GABRR2: variants seen among roughly 807,000 people sequenced by gnomAD.
GABRR2 encodes the protein gamma-aminobutyric acid receptor subunit rho-2.
GABRR2 carries 36 observed loss-of-function variants against 47.0 expected under a neutral mutation model. The ratio of observed to expected loss-of-function variants is 0.77; its 90% CI spans 0.59 to 1.01. GABRR2 has a LOEUF of 1.01. Ranked by LOEUF, GABRR2 falls within the 50% of genes least tolerant of loss-of-function variation. The pLI, the probability that GABRR2 is intolerant of heterozygous loss-of-function variation, is 0.00. For synonymous variants in GABRR2, 204 were observed against 227.5 expected (o/e 0.90, Z 0.93); for missense variants, 587 against 594.6 (o/e 0.99, Z 0.13).
At chr6:89,298,045 T>C (rs1774587152) in intron 2 of GABRR2, among the ~76,000 whole-genome samples, 1 of 152,180 alleles carries the variant, frequency 6.6e-6, no homozygotes, top group Non-Finnish European at 1.5e-5. Context: ...TTTATTTTCG[T>C]AAAATTCCTT....
chr6:89,262,292 A>G lies in GABRR2; in HGVS notation c.1086+2120T>C, dbSNP rs141226001. 9.2e-3 allele frequency among the ~76,000 whole-genome samples: 1,398 copies of G among 152,324 alleles called. 20 individuals carry two copies. Among genetic ancestry groups the G allele is most frequent in the African/African-American group, 0.032 (1,315 of 41,576 alleles). ...ATGTTAAGTCTCCGCCCCAGGGTGA[A>G]CATGGGTTGTATGTTACATGCACAT... On this transcript the variant is annotated intron_variant, in intron 8 of 8. Transcript: ENST00000402938.
intron 2 of GABRR2, among the ~76,000 whole-genome samples, chr6:89,275,075 G>T (rs531800470): frequency 6.6e-6 from 1 of 152,090 alleles, no homozygotes; most frequent in East Asian, 1.9e-4. Context: ...GTCCTGGAAA[G>T]CACACTTTAG....
chr6:89,257,481 C>A lies in GABRR2; in HGVS notation c.*189G>T. The A allele has an allele frequency of 1.7e-6, 1 of 595,384 alleles. No homozygotes were observed. Among genetic ancestry groups the A allele is most frequent in the Non-Finnish European group, 3.0e-6 (1 of 336,542 alleles). 36.9% of individuals were successfully genotyped at this position (595,384 alleles called of 1,614,324 possible). On this transcript the variant is annotated 3_prime_UTR_variant, in exon 9 of 9. Transcript: ENST00000402938. ...GCGAGACAGCATGAACATGGAGCAG[C>A]CCCACGGGGTCTGGGGTCAGGGCAG...
intron 2 of GABRR2, among the ~76,000 whole-genome samples, chr6:89,273,454 C>A (rs376445046): frequency 3.6e-4 from 55 of 152,322 alleles, no homozygotes; most frequent in Middle Eastern, 6.8e-3. Flanking sequence ...AGGCTGGTCT[C>A]AAACTCCTGA....
At chr6:89,302,058 G>T in intron 1 of GABRR2, 1 of 652,570 alleles carries the variant, frequency 1.5e-6, no homozygotes. Context: ...TTAATCTTTG[G>T]TCAGAGTGGG....
intron 1 of GABRR2, chr6:89,302,600 G>A (rs1767475128): frequency 1.7e-6 from 2 of 1,155,204 alleles, no homozygotes; most frequent in African/African-American, 1.6e-5. Context: ...CGGGCAGCCA[G>A]CATTACCGGG....
chr6:89,277,290 G>T (rs971010242), intron 2 of GABRR2, among the ~76,000 whole-genome samples: 14 of 152,178 alleles, frequency 9.2e-5, no homozygotes, highest in African/African-American at 3.1e-4. Context: ...TTCACCTTCT[G>T]CCCTGACTGT....
chr6:89,286,320 T>G lies in GABRR2; in HGVS notation c.220+13439A>C, dbSNP rs146737606. Among the ~76,000 whole-genome samples the G allele has an allele frequency of 3.9e-4, 59 of 152,220 alleles. 2 individuals are homozygous for G. In the East Asian group the frequency reaches 0.011, roughly 28 times the overall value. On this transcript the variant is annotated intron_variant, in intron 2 of 8. Transcript: ENST00000402938. ...ACAAGTTTCAGTTACGCAAGGTGAG[T>G]ACGTTCTGGTGATCGAATGTACAGC...
intron 2 of GABRR2, among the ~76,000 whole-genome samples, chr6:89,294,258 C>T (rs1043334041): frequency 6.6e-6 from 1 of 152,176 alleles, no homozygotes; most frequent in Non-Finnish European, 1.5e-5. Flanking sequence ...AATTATCATG[C>T]CTCAGCCACC....
At chr6:89,267,022 C>A (rs188968534) in intron 6 of GABRR2, among the ~76,000 whole-genome samples, 2 of 115,612 alleles carry the variant, frequency 1.7e-5, no homozygotes, top group Admixed American at 9.3e-5. Context: ...TTTTTTGAGA[C>A]GGAGTATCAC....
intron 1 of GABRR2, among the ~76,000 whole-genome samples, chr6:89,303,721 A>G (rs1051282809): frequency 1.3e-5 from 2 of 151,732 alleles, no homozygotes; most frequent in South Asian, 2.1e-4. Context: ...CTACAAGGCT[A>G]TGGTAACCAA....
chr6:89,295,888 G>C (rs895715964), intron 2 of GABRR2, among the ~76,000 whole-genome samples: 22 of 152,002 alleles, frequency 1.4e-4, no homozygotes, highest in Non-Finnish European at 2.2e-4. Flanking sequence ...ATAGGGAATC[G>C]TTTCCCCATT....
At chr6:89,260,338 G>A (rs1773718689) in intron 8 of GABRR2, among the ~76,000 whole-genome samples, 1 of 152,150 alleles carries the variant, frequency 6.6e-6, no homozygotes, top group South Asian at 2.1e-4. Context: ...AAATCTTTCT[G>A]CTAAAATGAA....
Position 89,280,255 on chromosome 6 carries a change from C to CATACAT in GABRR2, c.221-8539_221-8534dup, listed in dbSNP as rs1164025331. The stretch of plus-strand genomic sequence containing the variant: ...ATATATATATATATATATATATATA[C>CATACAT]ATACATATACATATACACATACACA... On this transcript the variant is annotated intron_variant, in intron 2 of 8. Transcript: ENST00000402938. 2.3e-3 allele frequency among the ~76,000 whole-genome samples: 198 copies of CATACAT among 84,522 alleles called. 2 individuals carry two copies. The highest frequency in any genetic ancestry group is 8.5e-3 in the African/African-American group (188 of 22,088). The allele number at this position is 84,522 out of a possible 152,430, so 55.4% of individuals were successfully genotyped here. A position where few individuals can be genotyped will look rare whatever the true frequency, so the allele number is the denominator to read the frequency against.
intron 6 of GABRR2, 45 bp downstream of exon 6, chr6:89,267,634 T>C (rs1425002899): frequency 1.3e-6 from 2 of 1,563,296 alleles, no homozygotes; most frequent in Non-Finnish European, 1.7e-6. Flanking sequence ...AATTCAAATG[T>C]GCTTTCTTGC....
chr6:89,261,436 C>T (rs560083760), intron 8 of GABRR2, among the ~76,000 whole-genome samples: 2 of 152,268 alleles, frequency 1.3e-5, no homozygotes, highest in East Asian at 1.9e-4. Context: ...AAGGGGACCC[C>T]AGAGAAACCT....
In GABRR2 at chr6:89,269,298, C is replaced by A. The variant is rs997416301; in HGVS notation, c.289-64G>T. 13 of 1,194,970 alleles carry A rather than the reference C, an allele frequency of 1.1e-5. No homozygotes were observed. In the African/African-American group the frequency reaches 1.9e-4, roughly 18 times the overall value. 74.0% of individuals were successfully genotyped at this position (1,194,970 alleles called of 1,614,324 possible). ...GAAGGTTTTCTTCCTTACAATCAACCCACCATTCACTACTGTGGTGAACAT... is the reference window on the plus strand; with the variant it reads ...GAAGGTTTTCTTCCTTACAATCAACACACCATTCACTACTGTGGTGAACAT... On this transcript the variant is annotated intron_variant, in intron 3 of 8. Coordinates refer to ENST00000402938, the MANE Select transcript of GABRR2 (RefSeq NM_002043.5).
In GABRR2 at chr6:89,303,197, G is replaced by T. The variant is rs914488024; in HGVS notation, c.114-3332C>A. ...TGACCTCCAGAGCCATCTTGCTGTC[G>T]ACACTGTCCCCAGCTTTCCCCCACC... On this transcript the variant is annotated intron_variant, in intron 1 of 8. Transcript: ENST00000402938. 2.3e-5 allele frequency: 9 copies of T among 383,150 alleles called. No individual in the cohort carries two copies. In the Admixed American group the frequency reaches 2.9e-4, roughly 12 times the overall value. 23.7% of individuals were successfully genotyped at this position (383,150 alleles called of 1,614,324 possible).
At chr6:89,261,036 G>C (rs1421162939) in intron 8 of GABRR2, among the ~76,000 whole-genome samples, 3 of 152,170 alleles carry the variant, frequency 2.0e-5, no homozygotes, top group African/African-American at 7.2e-5. Context: ...TTAGCGGCCT[G>C]AGGCCCTCTC....
Sources: allele counts gnomAD v4.1 joint callset (sites outside exome capture counted in the v4.1 genomes callset), GRCh38; gene constraint gnomAD v4.1.1; transcripts MANE v1.5; gene names NCBI Gene and HGNC (gene_info 2026-07-23, HGNC 2026-07-21).